Variants in RMST observed in about 807,000 individuals in gnomAD.
RMST encodes the protein long intergenic non-protein coding RNA 54.
chr12:97,498,002 C>T (rs1373856360), intron 10 of RMST, among the ~76,000 whole-genome samples: 2 of 152,108 alleles, frequency 1.3e-5, no homozygotes, highest in Admixed American at 6.5e-5. Flanking sequence ...TACCTGCTCA[C>T]ACATATTTAC....
At chr12:97,465,814 A>G (rs1035112484) in intron 5 of RMST, 3 of 152,094 alleles carry the variant, frequency 2.0e-5, no homozygotes, top group Non-Finnish European at 4.4e-5. Flanking sequence ...CTCTCTAATT[A>G]TAATTATTTA....
chr12:97,500,303 C>T (rs1877944726), intron 10 of RMST, among the ~76,000 whole-genome samples: 1 of 152,146 alleles, frequency 6.6e-6, no homozygotes, highest in Non-Finnish European at 1.5e-5. Flanking sequence ...TGGAGAGCAT[C>T]AGTGTATGAC....
chr12:97,530,352 T>C (rs961972436), intron 10 of RMST: 22 of 152,098 alleles, frequency 1.4e-4, no homozygotes, highest in African/African-American at 5.3e-4. Flanking sequence ...GATCTGAATG[T>C]ATTCTTGGTT....
At chr12:97,548,571 C>T (rs1232621354) in intron 11 of RMST, among the ~76,000 whole-genome samples, 1 of 151,812 alleles carries the variant, frequency 6.6e-6, no homozygotes, top group Non-Finnish European at 1.5e-5. Context: ...AGGTTTTTCA[C>T]CTCCTTGGTT....
At chr12:97,519,678 A>G (rs1880312885) in intron 10 of RMST, among the ~76,000 whole-genome samples, 1 of 152,196 alleles carries the variant, frequency 6.6e-6, no homozygotes, top group African/African-American at 2.4e-5. Flanking sequence ...GGTTCTTATC[A>G]GTAGCTACAA....
At chr12:97,527,191 C>T (rs994383425) in intron 10 of RMST, among the ~76,000 whole-genome samples, 5 of 152,078 alleles carry the variant, frequency 3.3e-5, no homozygotes, top group South Asian at 2.1e-4. Flanking sequence ...CAAGGACCAA[C>T]GGAAGACAGT....
At position 97,473,320 on chromosome 12, in the gene RMST, T is replaced by G. The variant is rs1485340427; in HGVS notation, n.644+7593T>G. Among the ~76,000 whole-genome samples, 4 of 152,282 alleles carry G rather than the reference T, an allele frequency of 2.6e-5. No homozygotes were observed. In the East Asian group the frequency reaches 7.7e-4, roughly 29 times the overall value. On this transcript the variant is annotated intron_variant and non_coding_transcript_variant, in intron 5 of 13. Coordinates refer to ENST00000640149, the Ensembl canonical transcript of RMST. ...TCATCCTGTTAGTGATTAATTCAACTGTCTAAAAATTACAAATATTTTACT... is the reference window on the plus strand; with the variant it reads ...TCATCCTGTTAGTGATTAATTCAACGGTCTAAAAATTACAAATATTTTACT...
At position 97,479,133 on chromosome 12, in the gene RMST, C is replaced by CTTTTTTTTTTT. The variant is rs386377507; in HGVS notation, n.645-13314_645-13304dup. 3.8e-4 allele frequency among the ~76,000 whole-genome samples: 26 copies of CTTTTTTTTTTT among 69,038 alleles called. 2 individuals carry two copies. The highest frequency in any genetic ancestry group is 4.7e-4 in the Non-Finnish European group (19 of 40,382). 45.3% of individuals were successfully genotyped at this position (69,038 alleles called of 152,430 possible). A position where few individuals can be genotyped will look rare whatever the true frequency, so the allele number is the denominator to read the frequency against. On this transcript the variant is annotated intron_variant and non_coding_transcript_variant, in intron 5 of 13. Transcript: ENST00000640149. ...TACTTTGGGTGTTTCCTTGTCTTTG[C>CTTTTTTTTTTT]TTTTTTTTTTTTTTTTTTTTTTTTG...
chr12:97,505,016 G>A (rs888983540), intron 10 of RMST, among the ~76,000 whole-genome samples: 1 of 152,074 alleles, frequency 6.6e-6, no homozygotes, highest in Non-Finnish European at 1.5e-5. Context: ...TTCATGTTAT[G>A]TTCACTTTTA....
intron 11 of RMST, among the ~76,000 whole-genome samples, chr12:97,547,899 G>A (rs1883052109): frequency 6.6e-6 from 1 of 151,924 alleles, no homozygotes; most frequent in Admixed American, 6.6e-5. Context: ...TTAGTTTGAT[G>A]TATTCTCATT....
intron 10 of RMST, among the ~76,000 whole-genome samples, chr12:97,500,610 G>A (rs1297152535): frequency 1.3e-5 from 2 of 152,122 alleles, no homozygotes; most frequent in African/African-American, 4.8e-5. Flanking sequence ...ACTGAGGGCC[G>A]TCTGACACCA....
At chr12:97,489,143 G>A (rs550884440) in intron 5 of RMST, among the ~76,000 whole-genome samples, 59 of 152,234 alleles carry the variant, frequency 3.9e-4, no homozygotes, top group Middle Eastern at 3.4e-3. Flanking sequence ...AAACCTTGCT[G>A]TATAGGAAAA....
At chr12:97,561,687 T>C (rs1242381560) in intron 13 of RMST, among the ~76,000 whole-genome samples, 1 of 127,270 alleles carries the variant, frequency 7.9e-6, no homozygotes, top group Non-Finnish European at 1.6e-5. Flanking sequence ...TGGTGGCTGC[T>C]CATTCAGAGA....
At chr12:97,518,311 G>C (rs79978408) in intron 10 of RMST, among the ~76,000 whole-genome samples, 3,581 of 152,182 alleles carry the variant, frequency 0.024, 143 homozygotes, top group African/African-American at 0.082. Flanking sequence ...TTGGAGCAAA[G>C]ATGAATATTA....
chr12:97,553,549 T>G (rs1883463104), intron 11 of RMST, among the ~76,000 whole-genome samples: 1 of 152,184 alleles, frequency 6.6e-6, no homozygotes, highest in Non-Finnish European at 1.5e-5. Flanking sequence ...GGTTGCAGGT[T>G]GTGGGCTTTT....
chr12:97,495,178 G>GGGGGC (rs1565923073), intron 9 of RMST, among the ~76,000 whole-genome samples: 2 of 150,812 alleles, frequency 1.3e-5, no homozygotes, highest in Non-Finnish European at 3.0e-5. Context: ...TATTCTTATG[G>GGGGGC]GGGGGGAGCC....
intron 5 of RMST, among the ~76,000 whole-genome samples, chr12:97,480,951 C>T (rs576431439): frequency 6.6e-6 from 1 of 152,228 alleles, no homozygotes; most frequent in East Asian, 1.9e-4. Flanking sequence ...CCAGTCATTA[C>T]ATTAATTATA....
chr12:97,470,035 G>A (rs1418490301), intron 5 of RMST, among the ~76,000 whole-genome samples: 1 of 152,008 alleles, frequency 6.6e-6, no homozygotes, highest in Non-Finnish European at 1.5e-5. Flanking sequence ...AATTTGTCTT[G>A]CATTTTCTCT....
chr12:97,546,216 C>G (rs1485542364), intron 11 of RMST, among the ~76,000 whole-genome samples: 1 of 151,946 alleles, frequency 6.6e-6, no homozygotes, highest in African/African-American at 2.4e-5. Flanking sequence ...TTAATTTTTC[C>G]CTGTCACTGA....
Sources: allele counts gnomAD v4.1 joint callset (sites outside exome capture counted in the v4.1 genomes callset), GRCh38; gene constraint gnomAD v4.1.1; transcripts MANE v1.5; gene names NCBI Gene and HGNC (gene_info 2026-07-23, HGNC 2026-07-21).